Variants in MAST4 observed in about 807,000 individuals in gnomAD.
MAST4 encodes microtubule-associated serine/threonine-protein kinase 4.
A neutral mutation model predicts 162.7 loss-of-function variants in MAST4; 89 were observed. The ratio of observed to expected loss-of-function variants is 0.55; its 90% confidence interval spans 0.46 to 0.65. The LOEUF (loss-of-function observed/expected upper bound fraction) is 0.65, where lower values mean the gene tolerates loss of function less well. Ranked by LOEUF, MAST4 falls within the 30% of genes least tolerant of loss-of-function variation. The pLI, the probability that MAST4 is intolerant of heterozygous loss-of-function variation, is 0.00. For synonymous variants in MAST4, 1,479 were observed against 1,361.1 expected (o/e 1.09, Z -1.91); for missense variants, 3,153 against 3,374.0 (o/e 0.93, Z 1.62).
intron 3 of MAST4, among the ~76,000 whole-genome samples, chr5:66,880,689 A>G (rs1029632938): frequency 6.6e-6 from 1 of 152,250 alleles, no homozygotes; most frequent in African/African-American, 2.4e-5. Context: ...TTTCAGCCTA[A>G]CATCTCTCTA....
rs1763038748 is a variant in MAST4, at chr5:67,084,586, T to G, written c.764-5576T>G. ...CACTGAGAACTCAAAGTACACTTTT[T>G]GTGTATCTAGATATATAACTGGAGT... On this transcript the variant is annotated intron_variant, in intron 5 of 28. Coordinates refer to ENST00000403625, the MANE Select transcript of MAST4 (RefSeq NM_001164664.2). Among the ~76,000 whole-genome samples, 2 of 152,342 alleles carry G rather than the reference T, an allele frequency of 1.3e-5. 1 individual carries two copies. The highest frequency in any genetic ancestry group is 4.1e-4 in the South Asian group (2 of 4,826).
intron 4 of MAST4, among the ~76,000 whole-genome samples, chr5:66,940,128 CAT>C (rs1189055961): frequency 6.6e-6 from 1 of 152,030 alleles, no homozygotes; most frequent in Non-Finnish European, 1.5e-5. Flanking sequence ...TACACACACA[CAT>C]ATCTTAATTT....
rs79799103 is a variant in MAST4 at position 66,627,370 on chromosome 5, C to T, written c.363+30352C>T. Among the ~76,000 whole-genome samples, 1,411 of 152,134 alleles carry T rather than the reference C, an allele frequency of 9.3e-3. 7 individuals carry two copies. The highest frequency in any genetic ancestry group is 0.049 in the South Asian group (235 of 4,814). ...AAAAGATTAGATTTGGGTGGGTTCA[C>T]GCCAAACCATATGAAGGTTTAAAAG... On this transcript the variant is annotated intron_variant, in intron 1 of 28. Coordinates refer to ENST00000403625, the MANE Select transcript of MAST4 (RefSeq NM_001164664.2).
chr5:66,807,978 T>C lies in MAST4; in HGVS notation c.642+19184T>C, dbSNP rs1482659553. On this transcript the variant is annotated intron_variant, in intron 3 of 28. Transcript: ENST00000403625. ...AACAGTTGACTCACTCCAAGGATAATGTTTACTGTGCCACCCTGGTCTTCA... is the reference window on the plus strand; with the variant it reads ...AACAGTTGACTCACTCCAAGGATAACGTTTACTGTGCCACCCTGGTCTTCA... 3.9e-5 allele frequency among the ~76,000 whole-genome samples: 6 copies of C among 152,346 alleles called. No homozygotes were observed. In the East Asian group the frequency reaches 1.2e-3, roughly 29 times the overall value.
intron 2 of MAST4, among the ~76,000 whole-genome samples, chr5:66,776,026 G>T (rs944541956): frequency 4.6e-5 from 7 of 152,208 alleles, no homozygotes; most frequent in African/African-American, 1.7e-4. Flanking sequence ...CAAAGAAATA[G>T]ATGTGATTAC....
chr5:66,845,085 T>TTATATATATATA (rs752796951), intron 3 of MAST4, among the ~76,000 whole-genome samples: 51 of 57,948 alleles, frequency 8.8e-4, no homozygotes, highest in African/African-American at 2.8e-3. Flanking sequence ...TCACTAATCT[T>TTATATATATATA]TATATATATA....
chr5:66,781,879 T>G lies in MAST4; in HGVS notation c.518-6791T>G, dbSNP rs186191932. ...GTACCATTATTCCCCAGTGATAAAG[T>G]AGATCTCCAGAGGCTATTATTTAAT... On this transcript the variant is annotated intron_variant, in intron 2 of 28. Transcript: ENST00000403625. Among the ~76,000 whole-genome samples the G allele has an allele frequency of 1.4e-4, 21 of 152,332 alleles. No individual in the cohort carries two copies. In the South Asian group the frequency reaches 2.1e-3, roughly 15 times the overall value.
chr5:66,814,329 A>G (rs1756619234), intron 3 of MAST4, among the ~76,000 whole-genome samples: 1 of 152,136 alleles, frequency 6.6e-6, no homozygotes, highest in South Asian at 2.1e-4. Flanking sequence ...GGAGGTGATC[A>G]CTTTCATTAT....
intron 5 of MAST4, among the ~76,000 whole-genome samples, chr5:67,066,092 T>A (rs1249372133): frequency 2.0e-5 from 3 of 151,954 alleles, no homozygotes; most frequent in Non-Finnish European, 2.9e-5. Context: ...AGTCATATAG[T>A]TTTAGGGGGG....
intron 12 of MAST4, chr5:67,115,188 C>G (rs547688053): frequency 6.6e-6 from 1 of 152,208 alleles, no homozygotes; most frequent in African/African-American, 2.4e-5. Context: ...ACAACCTGTT[C>G]CTGTTCATGA....
At chr5:66,963,767 C>G in intron 4 of MAST4, 1 of 779,818 alleles carries the variant, frequency 1.3e-6, no homozygotes, top group South Asian at 1.3e-5. Flanking sequence ...GTAGTCCTCT[C>G]TTGGCCTTTC....
At chr5:66,766,069 T>G (rs768120462) in intron 2 of MAST4, among the ~76,000 whole-genome samples, 15 of 152,220 alleles carry the variant, frequency 9.9e-5, no homozygotes, top group Non-Finnish European at 1.6e-4. Context: ...GACCCTTAAG[T>G]CTGGGTATTG....
chr5:67,159,437 C>T (rs1772932334), intron 26 of MAST4, among the ~76,000 whole-genome samples: 1 of 152,140 alleles, frequency 6.6e-6, no homozygotes, highest in Non-Finnish European at 1.5e-5. Flanking sequence ...CAGTCATTCC[C>T]TGTCTTTTCA....
At chr5:66,715,540 G>C (rs1236290732) in intron 1 of MAST4, among the ~76,000 whole-genome samples, 2 of 136,550 alleles carry the variant, frequency 1.5e-5, no homozygotes, top group African/African-American at 5.4e-5. Flanking sequence ...GGAGGGGGGA[G>C]GTATAGCATT....
chr5:66,674,505 T>C (rs371491980), intron 1 of MAST4, among the ~76,000 whole-genome samples: 3 of 152,220 alleles, frequency 2.0e-5, no homozygotes, highest in Admixed American at 6.5e-5. Context: ...TTGGAAACGG[T>C]GGGAACAAGC....
At chr5:66,800,468 A>G (rs1374027264) in intron 3 of MAST4, among the ~76,000 whole-genome samples, 1 of 152,122 alleles carries the variant, frequency 6.6e-6, no homozygotes, top group African/African-American at 2.4e-5. Context: ...TGTATGTTCT[A>G]ACTTATAAGT....
At chr5:66,945,545 G>C (rs1249751008) in intron 4 of MAST4, among the ~76,000 whole-genome samples, 1 of 151,988 alleles carries the variant, frequency 6.6e-6, no homozygotes, top group African/African-American at 2.4e-5. Context: ...CTTTTGTGGG[G>C]ACTGCCCCTC....
At chr5:66,664,435 C>CAAAA (rs58704256) in intron 1 of MAST4, among the ~76,000 whole-genome samples, 22,283 of 92,734 alleles carry the variant, frequency 0.24, 2,366 homozygotes, top group Non-Finnish European at 0.28. Flanking sequence ...AACTCCATTT[C>CAAAA]AAAAAAAAAA....
chr5:66,974,533 A>C (rs1207337429), intron 4 of MAST4, among the ~76,000 whole-genome samples: 1 of 152,224 alleles, frequency 6.6e-6, no homozygotes, highest in Non-Finnish European at 1.5e-5. Flanking sequence ...CAGAAGTATT[A>C]CTAACAACGC....
Sources: allele counts gnomAD v4.1 joint callset (sites outside exome capture counted in the v4.1 genomes callset), GRCh38; gene constraint gnomAD v4.1.1; transcripts MANE v1.5; gene names NCBI Gene and HGNC (gene_info 2026-07-23, HGNC 2026-07-21).